Variants in POFUT3 observed in about 807,000 individuals in gnomAD.
The protein encoded by POFUT3 is protein O-fucosyltransferase 3, also known as GDP-fucose protein O-fucosyltransferase 3.
the POFUT3 span, among the ~76,000 whole-genome samples, chr8:33,463,585 C>T: frequency 6.6e-6 from 1 of 152,124 alleles, no homozygotes; most frequent in Non-Finnish European, 1.5e-5. Flanking sequence ...TCCTCTGTCA[C>T]CCAGGCTGAA....
At chr8:33,435,042 A>G in the POFUT3 span, among the ~76,000 whole-genome samples, 1 of 152,194 alleles carries the variant, frequency 6.6e-6, no homozygotes, top group African/African-American at 2.4e-5. Flanking sequence ...CAGGAAGGAG[A>G]CAGGGAGTAA....
At chr8:33,385,134 A>G in the POFUT3 span, among the ~76,000 whole-genome samples, 1 of 152,342 alleles carries the variant, frequency 6.6e-6, no homozygotes, top group South Asian at 2.1e-4. Flanking sequence ...GAACCAACCC[A>G]TTGAAGTAGA....
At chr8:33,320,557 A>G in the POFUT3 span, among the ~76,000 whole-genome samples, 1 of 152,088 alleles carries the variant, frequency 6.6e-6, no homozygotes, top group Non-Finnish European at 1.5e-5. Context: ...CTTACCTTCC[A>G]TAGATCTGGG....
chr8:33,359,387 G>T, the POFUT3 span, among the ~76,000 whole-genome samples: 2 of 152,000 alleles, frequency 1.3e-5, no homozygotes, highest in African/African-American at 2.4e-5. Flanking sequence ...TCCTATAATT[G>T]ACTTTTAACT....
the POFUT3 span, among the ~76,000 whole-genome samples, chr8:33,347,455 T>C: frequency 1.3e-5 from 2 of 152,246 alleles, no homozygotes; most frequent in African/African-American, 4.8e-5. Context: ...ATTTGAGGCA[T>C]TGGCACATGA....
chr8:33,430,078 C>T, the POFUT3 span, among the ~76,000 whole-genome samples: 2 of 151,946 alleles, frequency 1.3e-5, no homozygotes, highest in Admixed American at 6.6e-5. Context: ...CCACCCTCTA[C>T]TCCACCAACG....
chr8:33,325,439 A>G, the POFUT3 span, among the ~76,000 whole-genome samples: 13 of 152,328 alleles, frequency 8.5e-5, 1 homozygote, highest in East Asian at 1.3e-3. Flanking sequence ...CTGTTTGACT[A>G]TGAGTGCTTG....
the POFUT3 span, chr8:33,436,338 C>T: frequency 2.7e-5 from 36 of 1,338,832 alleles, 1 homozygote; most frequent in African/African-American, 8.6e-5. Context: ...ATCCTCTGCC[C>T]GCTCCATGTG....
At chr8:33,320,937 A>G in the POFUT3 span, among the ~76,000 whole-genome samples, 2 of 152,070 alleles carry the variant, frequency 1.3e-5, no homozygotes, top group East Asian at 1.9e-4. Flanking sequence ...AGAGGGCTAC[A>G]TAAGGGCAGG....
the POFUT3 span, among the ~76,000 whole-genome samples, chr8:33,463,175 A>C: frequency 6.6e-6 from 1 of 152,080 alleles, no homozygotes; most frequent in South Asian, 2.1e-4. Flanking sequence ...TCCTATAAAA[A>C]TAATATAGAA....
chr8:33,354,684 C>T, the POFUT3 span, among the ~76,000 whole-genome samples: 1 of 152,102 alleles, frequency 6.6e-6, no homozygotes, highest in Non-Finnish European at 1.5e-5. Context: ...CATCCCTTAG[C>T]CCAGTCAACT....
chr8:33,436,850 A>C, the POFUT3 span: 1 of 414,262 alleles, frequency 2.4e-6, no homozygotes, highest in Non-Finnish European at 4.4e-6. Context: ...TAGGGTATGA[A>C]TGATCTCGTT....
At chr8:33,309,506 C>G in the POFUT3 span, among the ~76,000 whole-genome samples, 1 of 151,952 alleles carries the variant, frequency 6.6e-6, no homozygotes, top group East Asian at 1.9e-4. Context: ...AAGATTGGAT[C>G]AGGATTTAAG....
At chr8:33,365,777 G>C in the POFUT3 span, among the ~76,000 whole-genome samples, 1 of 152,212 alleles carries the variant, frequency 6.6e-6, no homozygotes, top group East Asian at 1.9e-4. Context: ...AGAGGATGTG[G>C]AGAAATAGGA....
chr8:33,323,724 G>C, the POFUT3 span, among the ~76,000 whole-genome samples: 2 of 152,156 alleles, frequency 1.3e-5, no homozygotes, highest in African/African-American at 2.4e-5. Flanking sequence ...CCGGGATTTA[G>C]ATCTTTACCT....
chr8:33,449,427 T>C, the POFUT3 span, among the ~76,000 whole-genome samples: 1 of 151,680 alleles, frequency 6.6e-6, no homozygotes, highest in Non-Finnish European at 1.5e-5. Context: ...GTAGCTGGGA[T>C]TACAGGCACC....
chr8:33,417,923 C>T, the POFUT3 span, among the ~76,000 whole-genome samples: 2 of 152,174 alleles, frequency 1.3e-5, no homozygotes, highest in African/African-American at 4.8e-5. Context: ...CACATTCCCA[C>T]TCTGAACTCC....
At chr8:33,361,391 T>G in the POFUT3 span, 2 of 152,246 alleles carry the variant, frequency 1.3e-5, no homozygotes, top group Non-Finnish European at 2.9e-5. Flanking sequence ...CTTTTAGTAC[T>G]TTTAACACAT....
At chr8:33,467,954 G>C in the POFUT3 span, among the ~76,000 whole-genome samples, 1 of 152,136 alleles carries the variant, frequency 6.6e-6, no homozygotes, top group Admixed American at 6.6e-5. Flanking sequence ...CTGGTAGTTT[G>C]TGAGGCTGGG....
Sources: allele counts gnomAD v4.1 joint callset (sites outside exome capture counted in the v4.1 genomes callset), GRCh38; gene constraint gnomAD v4.1.1; transcripts MANE v1.5; gene names NCBI Gene and HGNC (gene_info 2026-07-23, HGNC 2026-07-21).